Variants in CNTN5 observed in about 807,000 individuals in gnomAD.
CNTN5 encodes the protein contactin-5.
CNTN5 carries 77 observed loss-of-function variants against 129.1 expected under a neutral mutation model. The ratio of observed to expected loss-of-function variants is 0.60; its 90% CI spans 0.50 to 0.72. The LOEUF (loss-of-function observed/expected upper bound fraction) is 0.72. Among genes scored for constraint, CNTN5 ranks in the 30% least tolerant of loss-of-function variants. The pLI, the probability that CNTN5 is intolerant of heterozygous loss-of-function variation, is 0.00. For synonymous variants in CNTN5, 509 were observed against 465.6 expected (o/e 1.09, Z -1.20); for missense variants, 1,478 against 1,328.8 (o/e 1.11, Z -1.75).
chr11:99,900,789 G>C (rs763067625), intron 6 of CNTN5, among the ~76,000 whole-genome samples: 1 of 151,982 alleles, frequency 6.6e-6, no homozygotes, highest in East Asian at 1.9e-4. Context: ...ATGATGTTTT[G>C]TTCCTGACAT....
rs535206790 is a variant in CNTN5 at position 99,855,354 on chromosome 11, A to G, written c.577+10092A>G. Among the ~76,000 whole-genome samples, 3 of 152,298 alleles carry G rather than the reference A, an allele frequency of 2.0e-5. No individual in the cohort carries two copies. The South Asian group carries it at 6.2e-4, about 32-fold the overall frequency. On this transcript the variant is annotated intron_variant, in intron 6 of 24. Coordinates refer to ENST00000524871, the MANE Select transcript of CNTN5 (RefSeq NM_014361.4). ...CAACAACAAAACTTTGGGTTTTGAG[A>G]CCTTTAAAGGCCAAGTTCAGTATGA...
At chr11:99,100,779 T>C (rs189729612) in intron 1 of CNTN5, among the ~76,000 whole-genome samples, 5 of 152,292 alleles carry the variant, frequency 3.3e-5, no homozygotes, top group Admixed American at 3.3e-4. Flanking sequence ...TACCTACTTA[T>C]AAATGTTGCA....
intron 16 of CNTN5, among the ~76,000 whole-genome samples, chr11:100,229,357 T>C (rs1311464559): frequency 6.6e-6 from 1 of 152,200 alleles, no homozygotes; most frequent in African/African-American, 2.4e-5. Flanking sequence ...ATAATTTAAT[T>C]CCAGCCAACA....
intron 2 of CNTN5, among the ~76,000 whole-genome samples, chr11:99,509,754 T>C (rs1450798203): frequency 6.6e-6 from 1 of 152,004 alleles, no homozygotes; most frequent in African/African-American, 2.4e-5. Flanking sequence ...AAGAGATTAT[T>C]GATCATTTAA....
At chr11:99,346,031 A>G (rs1461255689) in intron 2 of CNTN5, among the ~76,000 whole-genome samples, 2 of 152,206 alleles carry the variant, frequency 1.3e-5, no homozygotes, top group Non-Finnish European at 2.9e-5. Flanking sequence ...CACCATGCTA[A>G]CATAATACTT....
At chr11:99,481,064 T>TA (rs1366522410) in intron 2 of CNTN5, among the ~76,000 whole-genome samples, 1 of 152,078 alleles carries the variant, frequency 6.6e-6, no homozygotes, top group East Asian at 1.9e-4. Context: ...ATTATGCCTA[T>TA]ACCATCCTAT....
chr11:99,338,449 G>A (rs936225722), intron 2 of CNTN5, among the ~76,000 whole-genome samples: 1 of 152,106 alleles, frequency 6.6e-6, no homozygotes, highest in African/African-American at 2.4e-5. Context: ...CAGAATGAGG[G>A]GTGGAGAATG....
chr11:99,529,256 G>A (rs902918858), intron 2 of CNTN5, among the ~76,000 whole-genome samples: 9 of 152,064 alleles, frequency 5.9e-5, no homozygotes, highest in Non-Finnish European at 1.3e-4. Context: ...GTCTCCTCTG[G>A]AAACACCCAC....
At chr11:99,528,141 C>A (rs1018517399) in intron 2 of CNTN5, among the ~76,000 whole-genome samples, 1 of 152,062 alleles carries the variant, frequency 6.6e-6, no homozygotes, top group Non-Finnish European at 1.5e-5. Context: ...CTTGAAAGAT[C>A]AAAATCCTGA....
chr11:99,783,982 T>G (rs1393035203), intron 3 of CNTN5, among the ~76,000 whole-genome samples: 1 of 151,748 alleles, frequency 6.6e-6, no homozygotes, highest in Non-Finnish European at 1.5e-5. Flanking sequence ...AAAAAAAAAG[T>G]ATGAAATACC....
chr11:100,057,062 A>T (rs17622769), intron 9 of CNTN5, among the ~76,000 whole-genome samples: 8 of 151,392 alleles, frequency 5.3e-5, no homozygotes, highest in African/African-American at 1.9e-4. Context: ...CTGTGTATCA[A>T]TACGTATCAT....
intron 4 of CNTN5, among the ~76,000 whole-genome samples, chr11:99,828,807 T>G (rs1947048870): frequency 6.6e-6 from 1 of 152,162 alleles, no homozygotes; most frequent in Non-Finnish European, 1.5e-5. Flanking sequence ...GATGATGTAT[T>G]TTAGTCACAG....
At chr11:99,646,299 C>G (rs1279265745) in intron 3 of CNTN5, among the ~76,000 whole-genome samples, 1 of 152,190 alleles carries the variant, frequency 6.6e-6, no homozygotes, top group African/African-American at 2.4e-5. Flanking sequence ...ATTACATCTA[C>G]CCTAATATAC....
chr11:100,253,384 A>T (rs1219358281), intron 16 of CNTN5, among the ~76,000 whole-genome samples: 2 of 152,130 alleles, frequency 1.3e-5, no homozygotes, highest in Admixed American at 6.6e-5. Flanking sequence ...ACATATAATA[A>T]GGTTATTGAC....
intron 1 of CNTN5, among the ~76,000 whole-genome samples, chr11:99,294,476 T>C (rs527371759): frequency 6.6e-4 from 100 of 152,288 alleles, no homozygotes; most frequent in African/African-American, 2.4e-3. Flanking sequence ...GGAAGATCTC[T>C]ATAATAAAAC....
chr11:99,900,715 A>G (rs560139325), intron 6 of CNTN5, among the ~76,000 whole-genome samples: 48 of 152,058 alleles, frequency 3.2e-4, no homozygotes, highest in Admixed American at 1.5e-3. Flanking sequence ...TATTTATCCA[A>G]TTTGCCACTA....
At chr11:99,509,220 C>G (rs1946742767) in intron 2 of CNTN5, among the ~76,000 whole-genome samples, 1 of 152,070 alleles carries the variant, frequency 6.6e-6, no homozygotes, top group South Asian at 2.1e-4. Flanking sequence ...TTGAGCTCAT[C>G]CCTGTGTTCT....
At chr11:99,581,602 C>G (rs1215902622) in intron 3 of CNTN5, among the ~76,000 whole-genome samples, 1 of 152,004 alleles carries the variant, frequency 6.6e-6, no homozygotes, top group African/African-American at 2.4e-5. Context: ...TTCTTTGTCT[C>G]TTTTGATCTT....
chr11:100,092,117 G>A (rs1944811484), intron 13 of CNTN5, among the ~76,000 whole-genome samples: 1 of 152,078 alleles, frequency 6.6e-6, no homozygotes, highest in Middle Eastern at 3.2e-3. Flanking sequence ...AAATAGCATG[G>A]AAATTGAATC....
Sources: gnomAD v4.1 joint callset for allele counts (sites outside exome capture counted in the v4.1 genomes callset) on GRCh38, gnomAD v4.1.1 for gene constraint, MANE v1.5 for transcripts, NCBI Gene and HGNC (gene_info 2026-07-23, HGNC 2026-07-21) for gene names.